CUL5: variants seen among roughly 807,000 people sequenced by gnomAD.
CUL5 encodes the protein cullin-5.
Under a neutral mutation model 108.8 loss-of-function variants are expected in CUL5, and 26 were observed. The observed-to-expected ratio is 0.24, with a 90% CI of 0.18 to 0.33. The LOEUF (loss-of-function observed/expected upper bound fraction) is 0.33. Among genes scored for constraint, CUL5 ranks in the 10% least tolerant of loss-of-function variants. The pLI, the probability that CUL5 is intolerant of heterozygous loss-of-function variation, is 1.00. For synonymous variants in CUL5, 334 were observed against 298.0 expected (o/e 1.12, Z -1.25); for missense variants, 524 against 909.2 (o/e 0.58, Z 5.45).
chr11:108,101,572 A>T (rs1304699602), intron 18 of CUL5, among the ~76,000 whole-genome samples: 1 of 152,212 alleles, frequency 6.6e-6, no homozygotes, highest in Non-Finnish European at 1.5e-5. Context: ...TCTGCAGAAT[A>T]ATGACAGGAT....
Position 108,073,340 on chromosome 11 carries a change from G to A in CUL5, c.1006-50G>A, listed in dbSNP as rs746913542. On this transcript the variant is annotated intron_variant, in intron 9 of 18. Coordinates refer to ENST00000393094, the MANE Select transcript of CUL5 (RefSeq NM_003478.6). ...ATTATGTTTATTTTCTCATTTTTTT[G>A]TGTTATTCTTTTTCTTTTAAAAACT... The A allele has an allele frequency of 1.2e-5, 9 of 781,434 alleles. No individual in the cohort carries two copies. The highest frequency in any genetic ancestry group is 2.8e-5 in the Admixed American group (1 of 36,338). The allele number at this position is 781,434 out of a possible 1,614,324, so 48.4% of individuals were successfully genotyped here. A position where few individuals can be genotyped will look rare whatever the true frequency, so the allele number is the denominator to read the frequency against.
intron 11 of CUL5, among the ~76,000 whole-genome samples, chr11:108,080,945 G>A (rs1300321766): frequency 6.8e-6 from 1 of 147,786 alleles, no homozygotes; most frequent in African/African-American, 2.5e-5. Flanking sequence ...AGATCATGAA[G>A]ATTTATCATT....
intron 2 of CUL5, among the ~76,000 whole-genome samples, chr11:108,042,029 G>A (rs1204085407): frequency 6.6e-6 from 1 of 152,128 alleles, no homozygotes; most frequent in Admixed American, 6.6e-5. Context: ...GGTAATGGGA[G>A]GGAAACGTCC....
At chr11:108,057,341 G>A (rs1863408362) in intron 7 of CUL5, among the ~76,000 whole-genome samples, 1 of 152,086 alleles carries the variant, frequency 6.6e-6, no homozygotes, top group South Asian at 2.1e-4. Flanking sequence ...ACGGTCAAAA[G>A]TTTGAAATGA....
intron 1 of CUL5, among the ~76,000 whole-genome samples, chr11:108,019,254 G>A (rs538578530): frequency 6.6e-6 from 1 of 152,206 alleles, no homozygotes; most frequent in South Asian, 2.1e-4. Context: ...GATACCAAGG[G>A]ACAACTGTAC....
At chr11:108,046,949 G>C (rs564982348) in intron 3 of CUL5, among the ~76,000 whole-genome samples, 1 of 151,902 alleles carries the variant, frequency 6.6e-6, no homozygotes, top group Non-Finnish European at 1.5e-5. Context: ...AATCAGCCAC[G>C]GCCTCTCTTA....
rs1355792278 is a variant in CUL5, at chr11:108,025,363, G to A, written c.25-8439G>A. On this transcript the variant is annotated intron_variant, in intron 1 of 18. Coordinates refer to ENST00000393094, the MANE Select transcript of CUL5 (RefSeq NM_003478.6). ...AGTTTTTAACTGGATGTCAGACATT[G>A]TGAGTATATGTTTTAGGGGCTTGAT... Among the ~76,000 whole-genome samples, 3 of 152,166 alleles carry A rather than the reference G, an allele frequency of 2.0e-5. No individual in the cohort carries two copies. The East Asian group carries it at 5.8e-4, about 29-fold the overall frequency.
At chr11:108,052,928 T>G (rs1291315885) in intron 5 of CUL5, 127 bp downstream of exon 5, 4 of 674,622 alleles carry the variant, frequency 5.9e-6, no homozygotes, top group Non-Finnish European at 6.9e-6. Flanking sequence ...ACTAGATACT[T>G]TTTTTGAGAG....
rs1245619808 is a variant in CUL5 at position 108,088,650 on chromosome 11, T to C, written c.1302T>C (p.Leu434=). The C allele has an allele frequency of 6.3e-7, 1 of 1,578,430 alleles. No individual in the cohort carries two copies. The highest frequency in any genetic ancestry group is 1.2e-5 in the South Asian group (1 of 84,398). ...KLTSEEIEAK[L]KEVLLVLKYV... ...CCTCTGAAGAGATTGAAGCAAAGCT[T>C]AAAGAAGTGGTACATGAATTTTTTG... Residue 434 remains leucine (L), a synonymous_variant, in exon 12 of 19, where the codon CTT becomes CTC. Transcript: ENST00000393094.
Position 108,009,240 on chromosome 11 carries a change from G to A in CUL5, c.-109G>A. 8.3e-7 allele frequency: 1 copy of A among 1,205,472 alleles called. No individual in the cohort carries two copies. Among genetic ancestry groups the A allele is most frequent in the Non-Finnish European group, 1.2e-6 (1 of 829,040 alleles). 74.7% of individuals were successfully genotyped at this position (1,205,472 alleles called of 1,614,324 possible). ...GCTCCAGCGCCCACCACACCCTGGT[G>A]CGGGCCGACGGGCCCTGGGCCCTGG... On this transcript the variant is annotated 5_prime_UTR_variant, in exon 1 of 19. Transcript: ENST00000393094.
intron 2 of CUL5, among the ~76,000 whole-genome samples, chr11:108,034,281 A>T (rs530031783): frequency 6.6e-6 from 1 of 152,316 alleles, no homozygotes. Context: ...ACAGCGTGTG[A>T]TATGTTGTCT....
intron 7 of CUL5, 62 bp downstream of exon 7, chr11:108,055,017 G>A: frequency 4.5e-6 from 5 of 1,122,990 alleles, no homozygotes; most frequent in Non-Finnish European, 6.5e-6. Context: ...CATAGGAATG[G>A]CAAATAAACA....
chr11:108,015,151 A>G (rs543226340), intron 1 of CUL5, among the ~76,000 whole-genome samples: 2 of 152,282 alleles, frequency 1.3e-5, no homozygotes, highest in Admixed American at 1.3e-4. Context: ...CTCCCACCTC[A>G]GCCTCCCAAA....
intron 7 of CUL5, among the ~76,000 whole-genome samples, chr11:108,063,589 TATAATA>T (rs758388265): frequency 6.7e-6 from 1 of 149,586 alleles, no homozygotes; most frequent in Non-Finnish European, 1.5e-5. Flanking sequence ...ATGTTAATTT[TATAATA>T]ATAATAAAAT....
At chr11:108,031,326 C>G (rs2135081141) in intron 1 of CUL5, among the ~76,000 whole-genome samples, 1 of 149,116 alleles carries the variant, frequency 6.7e-6, no homozygotes, top group African/African-American at 2.5e-5. Flanking sequence ...GATTATGCCA[C>G]TGCACTCCAG....
In CUL5 at chr11:108,072,462, T is replaced by G; in HGVS notation, c.1005T>G (p.Thr335=). The change falls in exon 9 of 19, where the codon ACT becomes ACG. Residue 335 remains threonine (T), a splice_region_variant and synonymous_variant. Coordinates refer to ENST00000393094, the MANE Select transcript of CUL5 (RefSeq NM_003478.6). ...TAGCAGCTGCTGAAACTATTACTAC[T>G]GTAAGTTTTTTTTCAATGGCAATGA... is the stretch of plus-strand genomic sequence containing the variant. ...DMVAAAETIT[T]DSEKYVEQLL... 2 of 1,601,358 alleles carry G rather than the reference T, an allele frequency of 1.2e-6. No homozygotes were observed. The highest frequency in any genetic ancestry group is 1.7e-6 in the Non-Finnish European group (2 of 1,175,598).
At chr11:108,083,284 T>C (rs10890808) in intron 11 of CUL5, among the ~76,000 whole-genome samples, 89,432 of 152,022 alleles carry the variant, frequency 0.59, 27,961 homozygotes, top group East Asian at 0.9. Flanking sequence ...CTGGTAGATA[T>C]ACTATAGCTT....
At chr11:108,075,135 G>A (rs1208391328) in intron 10 of CUL5, among the ~76,000 whole-genome samples, 1 of 151,998 alleles carries the variant, frequency 6.6e-6, no homozygotes, top group African/African-American at 2.4e-5. Flanking sequence ...ATTCAATTAA[G>A]TGATGATGGA....
rs1360781031 is a variant in CUL5, at chr11:108,105,799, G to A, written c.*1415G>A. 6.6e-6 allele frequency: 1 copy of A among 152,116 alleles called. No homozygotes were observed. Among genetic ancestry groups the A allele is most frequent in the African/African-American group, 2.4e-5 (1 of 41,426 alleles). The allele number at this position is 152,116 out of a possible 1,614,324, so 9.4% of individuals were successfully genotyped here. A position where few individuals can be genotyped will look rare whatever the true frequency, so the allele number is the denominator to read the frequency against. On this transcript the variant is annotated 3_prime_UTR_variant, in exon 19 of 19. Transcript: ENST00000393094. Reference sequence around the variant, plus strand: ...TATTTTATATCTTATTTGATGTTAAGTAATATTTTTAAAGTATGGTTTTTG... The same window carrying A: ...TATTTTATATCTTATTTGATGTTAAATAATATTTTTAAAGTATGGTTTTTG...
Sources: allele counts gnomAD v4.1 joint callset (sites outside exome capture counted in the v4.1 genomes callset), GRCh38; gene constraint gnomAD v4.1.1; transcripts MANE v1.5; gene names NCBI Gene and HGNC (gene_info 2026-07-23, HGNC 2026-07-21).